Variants in ZFYVE16 observed in about 807,000 individuals in gnomAD.
ZFYVE16 encodes the protein zinc finger FYVE domain-containing protein 16.
ZFYVE16 carries 89 observed loss-of-function variants against 138.1 expected under a neutral mutation model. The ratio of observed to expected loss-of-function variants is 0.64; its 90% CI spans 0.54 to 0.77. ZFYVE16 has a LOEUF of 0.77. Ranked by LOEUF, ZFYVE16 falls within the 30% of genes least tolerant of loss-of-function variation. The pLI, the probability that ZFYVE16 is intolerant of heterozygous loss-of-function variation, is 0.00. For missense variants in ZFYVE16, 1,793 were observed against 1,786.7 expected (o/e 1.00, Z -0.06); for synonymous variants, 596 against 618.3 (o/e 0.96, Z 0.53).
intron 8 of ZFYVE16, among the ~76,000 whole-genome samples, chr5:80,448,849 A>G (rs1359904413): frequency 6.6e-6 from 1 of 152,056 alleles, no homozygotes; most frequent in Non-Finnish European, 1.5e-5. Flanking sequence ...TTTCCTTTGT[A>G]AATAGAACCT....
intron 15 of ZFYVE16, among the ~76,000 whole-genome samples, chr5:80,464,592 A>G (rs987334069): frequency 2.0e-5 from 3 of 152,222 alleles, no homozygotes; most frequent in Non-Finnish European, 4.4e-5. Context: ...TTGGCATAAC[A>G]TTGTTCATAG....
intron 15 of ZFYVE16, among the ~76,000 whole-genome samples, chr5:80,465,603 C>G (rs1260920758): frequency 6.6e-6 from 1 of 151,346 alleles, no homozygotes; most frequent in East Asian, 1.9e-4. Flanking sequence ...GAGACAGGGT[C>G]TCACTGTGTT....
intron 18 of ZFYVE16, 29 bp downstream of exon 18, chr5:80,474,859 G>T: frequency 6.3e-7 from 1 of 1,579,570 alleles, no homozygotes; most frequent in Non-Finnish European, 8.6e-7. Flanking sequence ...ATGTATTTTT[G>T]AAATGAATGT....
At chr5:80,470,081 GT>G (rs1754171890) in intron 15 of ZFYVE16, among the ~76,000 whole-genome samples, 1 of 76,582 alleles carries the variant, frequency 1.3e-5, no homozygotes, top group African/African-American at 4.0e-5. Context: ...GTGTGTGTGT[GT>G]GTGTGTGTGT....
intron 17 of ZFYVE16, 118 bp downstream of exon 17, chr5:80,473,977 A>T: frequency 1.5e-6 from 1 of 682,968 alleles, no homozygotes; most frequent in South Asian, 2.0e-5. Flanking sequence ...TTTTTATGCT[A>T]CACTTTGAGA....
At chr5:80,418,316 C>T (rs1258830362) in intron 1 of ZFYVE16, among the ~76,000 whole-genome samples, 1 of 141,104 alleles carries the variant, frequency 7.1e-6, no homozygotes, top group African/African-American at 2.6e-5. Context: ...CCCCTCCCCT[C>T]CCCCTCCTTT....
At chr5:80,458,202 A>AT (rs1752734867) in intron 14 of ZFYVE16, among the ~76,000 whole-genome samples, 1 of 152,054 alleles carries the variant, frequency 6.6e-6, no homozygotes, top group African/African-American at 2.4e-5. Context: ...TGATATTGGC[A>AT]TTTTTGCCAC....
At position 80,450,544 on chromosome 5, in the gene ZFYVE16, A is replaced by G. The variant is rs761537759; in HGVS notation, c.3340A>G (p.Ile1114Val). ...AAATGAAGATACTATTCCTAAGGAC[A>G]TCTTCAGACTATTTATCACCATATA... ...LPNEDTIPKD[I>V]FRLFITIYKD... The change falls in exon 10 of 19, where the codon ATC becomes GTC. Residue 1114 changes from isoleucine to valine, a missense_variant. By Grantham distance (29) the Ile-to-Val change is conservative. This residue lies in a region of ZFYVE16 where 498 missense variants were observed against 582.4 expected (regional missense o/e 0.86). Transcript: ENST00000505560. 12 of 1,613,650 alleles carry G rather than the reference A, an allele frequency of 7.4e-6. No individual in the cohort carries two copies. The highest frequency in any genetic ancestry group is 1.0e-5 in the Non-Finnish European group (12 of 1,179,746).
At chr5:80,454,899 G>A (rs1230653515) in intron 11 of ZFYVE16, 1 of 152,092 alleles carries the variant, frequency 6.6e-6, no homozygotes, top group Non-Finnish European at 1.5e-5. Context: ...AGTTATAAAT[G>A]CCTTAAAAGT....
intron 1 of ZFYVE16, among the ~76,000 whole-genome samples, chr5:80,426,450 C>T (rs941764949): frequency 1.3e-5 from 2 of 151,606 alleles, no homozygotes; most frequent in African/African-American, 4.9e-5. Context: ...TCACCACCAC[C>T]CCCCCACCCC....
At chr5:80,443,436 C>A in intron 6 of ZFYVE16, 152 bp downstream of exon 6, 1 of 949,460 alleles carries the variant, frequency 1.1e-6, no homozygotes. Flanking sequence ...GGCTGGAAGA[C>A]TGGAAGAGCA....
In ZFYVE16 at chr5:80,482,004, A is replaced by G. The variant is rs1379615460; in HGVS notation, c.*4627A>G. On this transcript the variant is annotated 3_prime_UTR_variant, in exon 19 of 19. Coordinates refer to ENST00000505560, the MANE Select transcript of ZFYVE16 (RefSeq NM_001284236.3). ...CTAGATAATTTTTTGTATTTTTAAT[A>G]GAGACAGAGTTTCACCACGTTGGCC... is the stretch of plus-strand genomic sequence containing the variant. Among the ~76,000 whole-genome samples, 3 of 152,154 alleles carry G rather than the reference A, an allele frequency of 2.0e-5. No homozygotes were observed. The highest frequency in any genetic ancestry group is 7.2e-5 in the African/African-American group (3 of 41,432).
chr5:80,423,899 A>G lies in ZFYVE16; in HGVS notation c.-93-3593A>G, dbSNP rs902895519. The stretch of plus-strand genomic sequence containing the variant: ...AGGCCAAAATTATTTTTGTTTTTCT[A>G]GTTTCCCAAGGTGGATGCTTATTGA... On this transcript the variant is annotated intron_variant, in intron 1 of 18. Coordinates refer to ENST00000505560, the MANE Select transcript of ZFYVE16 (RefSeq NM_001284236.3). Among the ~76,000 whole-genome samples, 4 of 150,258 alleles carry G rather than the reference A, an allele frequency of 2.7e-5. No homozygotes were observed. In the East Asian group the frequency reaches 7.8e-4, roughly 29 times the overall value.
At chr5:80,429,590 C>A (rs1167139870) in intron 2 of ZFYVE16, among the ~76,000 whole-genome samples, 1 of 152,168 alleles carries the variant, frequency 6.6e-6, no homozygotes, top group Non-Finnish European at 1.5e-5. Context: ...GGATCAAATT[C>A]ACACATAACA....
chr5:80,472,319 G>A (rs1238027851), intron 15 of ZFYVE16, among the ~76,000 whole-genome samples: 1 of 151,178 alleles, frequency 6.6e-6, no homozygotes, highest in African/African-American at 2.4e-5. Context: ...CAGAGAGTAA[G>A]GGCTCTCTGC....
Position 80,480,646 on chromosome 5 carries a change from C to T in ZFYVE16, c.*3269C>T, listed in dbSNP as rs1187823019. On this transcript the variant is annotated 3_prime_UTR_variant, in exon 19 of 19. Coordinates refer to ENST00000505560, the MANE Select transcript of ZFYVE16 (RefSeq NM_001284236.3). ...TCCACACATAGACACATAATAAGGC[C>T]AGGTGCAGTGGCTCACACCTGTAAT... 6.6e-6 allele frequency among the ~76,000 whole-genome samples: 1 copy of T among 152,076 alleles called. No homozygotes were observed. Among genetic ancestry groups the T allele is most frequent in the Non-Finnish European group, 1.5e-5 (1 of 67,996 alleles).
intron 17 of ZFYVE16, 70 bp from the exon 18 acceptor site, chr5:80,474,593 G>A: frequency 2.1e-6 from 3 of 1,429,550 alleles, no homozygotes; most frequent in Non-Finnish European, 1.9e-6. Context: ...AATTAAACTT[G>A]AAAGCAGCAA....
chr5:80,443,288 A>G lies in ZFYVE16; in HGVS notation c.2581+4A>G, dbSNP rs754950502. ...CTTAAACAACCAGGTGTTGAAGGTA[A>G]TAGAAGAAAACTGTGTCTTAGACTA... On this transcript the variant is annotated splice_donor_region_variant and intron_variant, in intron 6 of 18. Transcript: ENST00000505560. 3 of 1,603,894 alleles carry G rather than the reference A, an allele frequency of 1.9e-6. No individual in the cohort carries two copies.
rs1051324735 is a variant in ZFYVE16, at chr5:80,478,510, G to T, written c.*1133G>T. On this transcript the variant is annotated 3_prime_UTR_variant, in exon 19 of 19. Coordinates refer to ENST00000505560, the MANE Select transcript of ZFYVE16 (RefSeq NM_001284236.3). ...TCTTTACTTCAAACAGCAAAAAAGT[G>T]GGGGGCATATTGTAGTCCTGTCATT... The T allele has an allele frequency of 1.3e-5, 2 of 151,936 alleles. No individual in the cohort carries two copies. Among genetic ancestry groups the T allele is most frequent in the Admixed American group, 6.6e-5 (1 of 15,252 alleles). 9.4% of individuals were successfully genotyped at this position (151,936 alleles called of 1,614,324 possible). A position where few individuals can be genotyped will look rare whatever the true frequency, so the allele number is the denominator to read the frequency against.
Sources: allele counts gnomAD v4.1 joint callset (sites outside exome capture counted in the v4.1 genomes callset), GRCh38; gene constraint gnomAD v4.1.1; regional missense constraint gnomAD v4.1.1; transcripts MANE v1.5; gene names NCBI Gene and HGNC (gene_info 2026-07-23, HGNC 2026-07-21).